The following CEP170 variants were observed in gnomAD, a reference collection of about 807,000 sequenced individuals.
CEP170 encodes centrosomal protein 170.
CEP170 carries 21 observed loss-of-function variants against 151.9 expected under a neutral mutation model. The ratio of observed to expected loss-of-function variants is 0.14; its 90% CI spans 0.10 to 0.20. The LOEUF (loss-of-function observed/expected upper bound fraction) is 0.20. CEP170 is among the 10% of genes least tolerant of loss of function. CEP170 has a pLI of 1.00. For missense variants in CEP170, 964 were observed against 1,892.9 expected (o/e 0.51, Z 9.11); for synonymous variants, 356 against 648.8 (o/e 0.55, Z 6.86).
At chr1:243,142,951 A>G (rs1249927791) in intron 14 of CEP170, among the ~76,000 whole-genome samples, 1 of 152,218 alleles carries the variant, frequency 6.6e-6, no homozygotes, top group Non-Finnish European at 1.5e-5. Context: ...ATCACATTAC[A>G]GTTGCTACGG....
chr1:243,245,743 AAAAACAAAAAAC>A (rs2065318591), intron 1 of CEP170, among the ~76,000 whole-genome samples: 1 of 151,330 alleles, frequency 6.6e-6, no homozygotes, highest in Non-Finnish European at 1.5e-5. Context: ...ACAAAAAACA[AAAAACAAAAAAC>A]AAAACAAAAA....
At chr1:243,212,002 A>G in intron 3 of CEP170, 38 bp from the exon 4 acceptor site, 1 of 1,422,680 alleles carries the variant, frequency 7.0e-7, no homozygotes, top group Non-Finnish European at 9.3e-7. Context: ...GTTACGTATG[A>G]GGTATTAATT....
rs1320179968 is a variant in CEP170 at position 243,185,453 on chromosome 1, T to G, written c.1566+326A>C. Reference sequence around the variant, plus strand: ...TATAGCAATGTTTGTTGGTTGTTTCTTTTTATTTTTTAAGCAAATGCAAAG... The same window carrying G: ...TATAGCAATGTTTGTTGGTTGTTTCGTTTTATTTTTTAAGCAAATGCAAAG... On this transcript the variant is annotated intron_variant, in intron 10 of 19. Transcript: ENST00000366542. This position sits in a 1 kb window ranked among gnomAD's most constrained non-coding sequence, Gnocchi z 4.9. 1.3e-5 allele frequency among the ~76,000 whole-genome samples: 2 copies of G among 152,244 alleles called. No homozygotes were observed. The highest frequency in any genetic ancestry group is 2.9e-5 in the Non-Finnish European group (2 of 68,036).
At chr1:243,222,925 T>C (rs994015139) in intron 2 of CEP170, among the ~76,000 whole-genome samples, 2 of 152,198 alleles carry the variant, frequency 1.3e-5, no homozygotes, top group Non-Finnish European at 2.9e-5. Flanking sequence ...GCTAGAGACT[T>C]GAGGGTGGAC....
At chr1:243,163,068 T>C (rs558469220) in intron 13 of CEP170, 23 of 152,086 alleles carry the variant, frequency 1.5e-4, no homozygotes, top group African/African-American at 4.8e-4. Context: ...CCAAACCCAC[T>C]GACCAGCAAA....
At chr1:243,191,920 A>G in intron 7 of CEP170, among the ~76,000 whole-genome samples, 1 of 152,206 alleles carries the variant, frequency 6.6e-6, no homozygotes, top group Non-Finnish European at 1.5e-5. Context: ...GAGATATCTG[A>G]AATATATATG....
intron 10 of CEP170, among the ~76,000 whole-genome samples, chr1:243,174,064 T>C (rs1219122741): frequency 1.3e-5 from 2 of 151,220 alleles, no homozygotes; most frequent in Non-Finnish European, 2.9e-5. Flanking sequence ...ATTCCAGGCC[T>C]ATTTAAGATT....
intron 1 of CEP170, among the ~76,000 whole-genome samples, chr1:243,248,459 G>A (rs951999888): frequency 6.6e-6 from 1 of 152,122 alleles, no homozygotes; most frequent in African/African-American, 2.4e-5. Context: ...AAGTCTACTG[G>A]TGATGCTTAA....
chr1:243,190,851 A>C (rs1183061725), intron 8 of CEP170, among the ~76,000 whole-genome samples, 167 bp downstream of exon 8: 1 of 152,230 alleles, frequency 6.6e-6, no homozygotes, highest in African/African-American at 2.4e-5. Context: ...GAATGAGGAA[A>C]TTGGACATGG....
At position 243,179,433 on chromosome 1, in the gene CEP170, T is replaced by G. The variant is rs1572075682; in HGVS notation, c.1566+6346A>C. Among the ~76,000 whole-genome samples the G allele has an allele frequency of 1.3e-5, 2 of 152,334 alleles. 1 individual carries two copies. The highest frequency in any genetic ancestry group is 3.9e-4 in the East Asian group (2 of 5,192). On this transcript the variant is annotated intron_variant, in intron 10 of 19. Transcript: ENST00000366542. ...TATTTATCACAGCATCTCCCCAAAA[T>G]TTATACATTTCTTCTTCTTCTGAGA...
At chr1:243,166,213 T>G in intron 12 of CEP170, 97 bp from the exon 13 acceptor site, 1 of 1,472,914 alleles carries the variant, frequency 6.8e-7, no homozygotes, top group African/African-American at 1.4e-5. Flanking sequence ...CCATGAAGAC[T>G]GGTTCCAGGC....
Position 243,156,292 on chromosome 1 carries a change from T to A in CEP170, c.3840A>T (p.Ser1280=). The change falls in exon 14 of 20, where the codon TCA becomes TCT. Residue 1280 remains serine, a synonymous_variant. Transcript: ENST00000366542. ...CCTGCTCTTTAATCCGGTGTTTGAATGAAGAACTAGTAGGCATTGCTGATC... is the reference window on the plus strand; with the variant it reads ...CCTGCTCTTTAATCCGGTGTTTGAAAGAAGAACTAGTAGGCATTGCTGATC... ...SAGSAMPTSS[S]FKHRIKEQED... 1.3e-6 allele frequency: 2 copies of A among 1,591,478 alleles called. No homozygotes were observed. The highest frequency in any genetic ancestry group is 1.1e-5 in the South Asian group (1 of 87,600).
intron 10 of CEP170, among the ~76,000 whole-genome samples, chr1:243,174,645 C>T (rs561882491): frequency 6.6e-6 from 1 of 152,242 alleles, no homozygotes; most frequent in East Asian, 1.9e-4. Flanking sequence ...TCTTGAACTC[C>T]TCAATATTTA....
In CEP170 at chr1:243,126,155, T is replaced by C. The variant is rs748761097; in HGVS notation, c.*294A>G. ...CATGGCTTAAAAAAAAGAAAAAAGA[T>C]CTATGAAGGGAAAGGGTGTAATCAT... On this transcript the variant is annotated 3_prime_UTR_variant, in exon 20 of 20. Coordinates refer to ENST00000366542, the MANE Select transcript of CEP170 (RefSeq NM_014812.3). 2.8e-5 allele frequency: 14 copies of C among 493,486 alleles called. No individual in the cohort carries two copies. The highest frequency in any genetic ancestry group is 2.2e-4 in the South Asian group (14 of 64,848). 30.6% of individuals were successfully genotyped at this position (493,486 alleles called of 1,614,324 possible). A position where few individuals can be genotyped will look rare whatever the true frequency, so the allele number is the denominator to read the frequency against.
intron 14 of CEP170, among the ~76,000 whole-genome samples, chr1:243,147,811 C>T (rs2056669179): frequency 2.0e-5 from 3 of 152,114 alleles, no homozygotes; most frequent in Non-Finnish European, 2.9e-5. Flanking sequence ...TAGAGTTTGA[C>T]TTAAAAATTT....
At position 243,153,181 on chromosome 1, in the gene CEP170, A is replaced by C. The variant is rs560813363; in HGVS notation, c.3911+3040T>G. On this transcript the variant is annotated intron_variant, in intron 14 of 19. Transcript: ENST00000366542. ...CCTGAATATGGGACTGGATTGCTGC[A>C]ATCTCGTGATAAAACATTAACAGAT... Among the ~76,000 whole-genome samples, 176 of 152,368 alleles carry C rather than the reference A, an allele frequency of 1.2e-3. 1 individual carries two copies. Among genetic ancestry groups the C allele is most frequent in the Non-Finnish European group, 3.4e-4 (23 of 68,046 alleles).
At position 243,125,802 on chromosome 1, in the gene CEP170, C is replaced by T; in HGVS notation, c.*647G>A. Reference sequence around the variant, plus strand: ...GATATATAGATATGTCCACCTACCACTCCCAGCAAATCTTAGTGCAAACAT... The same window carrying T: ...GATATATAGATATGTCCACCTACCATTCCCAGCAAATCTTAGTGCAAACAT... On this transcript the variant is annotated 3_prime_UTR_variant, in exon 20 of 20. Transcript: ENST00000366542. 2 of 249,962 alleles carry T rather than the reference C, an allele frequency of 8.0e-6. No individual in the cohort carries two copies. The highest frequency in any genetic ancestry group is 5.1e-5 in the South Asian group (1 of 19,504). 15.5% of individuals were successfully genotyped at this position (249,962 alleles called of 1,614,324 possible).
chr1:243,234,377 C>T (rs145676526), intron 1 of CEP170, among the ~76,000 whole-genome samples: 241 of 152,296 alleles, frequency 1.6e-3, no homozygotes, highest in Non-Finnish European at 2.9e-3. Flanking sequence ...TGGCCCAGGA[C>T]ATAGCTTTGT....
chr1:243,194,395 TTGA>T (rs1470124840), intron 7 of CEP170, among the ~76,000 whole-genome samples: 1 of 152,028 alleles, frequency 6.6e-6, no homozygotes, highest in Non-Finnish European at 1.5e-5. Flanking sequence ...AATACTGATA[TTGA>T]TGATTGATGA....
Sources: allele counts gnomAD v4.1 joint callset (sites outside exome capture counted in the v4.1 genomes callset), GRCh38; gene constraint gnomAD v4.1.1; non-coding constraint Gnocchi (gnomAD v3.1); transcripts MANE v1.5; gene names NCBI Gene and HGNC (gene_info 2026-07-23, HGNC 2026-07-21).